The following AFG2A variants were observed in gnomAD, a reference collection of about 807,000 sequenced individuals.
AFG2A encodes the protein ATPase family gene 2 protein homolog A.
the AFG2A span, among the ~76,000 whole-genome samples, chr4:123,098,757 G>A: frequency 4.6e-5 from 7 of 151,750 alleles, no homozygotes; most frequent in South Asian, 2.1e-4. Flanking sequence ...TTCTTTATCC[G>A]CTTATTCTTC....
At chr4:122,983,722 G>C in the AFG2A span, among the ~76,000 whole-genome samples, 10 of 152,118 alleles carry the variant, frequency 6.6e-5, no homozygotes, top group Non-Finnish European at 1.5e-4. Context: ...TGTGGTCTAA[G>C]ATATGATCTA....
chr4:122,972,010 C>G, the AFG2A span, among the ~76,000 whole-genome samples: 1 of 151,926 alleles, frequency 6.6e-6, no homozygotes, highest in African/African-American at 2.4e-5. Flanking sequence ...ATTTGAGGAG[C>G]AAGATTATGC....
At chr4:123,131,919 A>ACAGTTAATAG in the AFG2A span, among the ~76,000 whole-genome samples, 1 of 53,918 alleles carries the variant, frequency 1.9e-5, no homozygotes, top group Admixed American at 2.5e-4. Context: ...CAGCAGCTGC[A>ACAGTTAATAG]CCATTTTATA....
At chr4:122,941,056 T>A in the AFG2A span, among the ~76,000 whole-genome samples, 1 of 150,096 alleles carries the variant, frequency 6.7e-6, no homozygotes, top group East Asian at 1.9e-4. Context: ...TAGTTTGAAG[T>A]CAGGTAGCAT....
chr4:123,039,643 A>C, the AFG2A span, among the ~76,000 whole-genome samples: 1 of 151,770 alleles, frequency 6.6e-6, no homozygotes, highest in Non-Finnish European at 1.5e-5. Flanking sequence ...CTTGCTTTGT[A>C]CTACAATCGT....
chr4:122,998,722 T>C, the AFG2A span, among the ~76,000 whole-genome samples: 1 of 152,330 alleles, frequency 6.6e-6, no homozygotes, highest in South Asian at 2.1e-4. Flanking sequence ...TGTTGGACAT[T>C]TGGGTTGGTT....
the AFG2A span, among the ~76,000 whole-genome samples, chr4:123,287,266 G>T: frequency 6.6e-6 from 1 of 152,042 alleles, no homozygotes; most frequent in Non-Finnish European, 1.5e-5. Flanking sequence ...TTTTTATTTG[G>T]CTACTAGCTA....
At chr4:123,174,936 T>C in the AFG2A span, among the ~76,000 whole-genome samples, 1 of 151,902 alleles carries the variant, frequency 6.6e-6, no homozygotes, top group Non-Finnish European at 1.5e-5. Context: ...GCCCAAGCAA[T>C]CCTCCCACCT....
the AFG2A span, among the ~76,000 whole-genome samples, chr4:123,070,581 G>A: frequency 2.0e-5 from 3 of 152,228 alleles, no homozygotes; most frequent in East Asian, 3.9e-4. Flanking sequence ...CAGTCTGGGG[G>A]CTTTCTTACA....
chr4:123,040,714 A>T, the AFG2A span, among the ~76,000 whole-genome samples: 1 of 152,190 alleles, frequency 6.6e-6, no homozygotes, highest in African/African-American at 2.4e-5. Flanking sequence ...ATTTTGCCTC[A>T]GCATAATTAA....
the AFG2A span, among the ~76,000 whole-genome samples, chr4:123,123,951 CAAAAAAAAA>C: frequency 8.4e-5 from 3 of 35,766 alleles, no homozygotes; most frequent in Admixed American, 8.0e-4. Flanking sequence ...AACTCCGTCT[CAAAAAAAAA>C]AAAAAAAAAA....
At chr4:123,194,556 A>G in the AFG2A span, among the ~76,000 whole-genome samples, 1 of 152,220 alleles carries the variant, frequency 6.6e-6, no homozygotes, top group South Asian at 2.1e-4. Context: ...TCTGTGAGGA[A>G]AAGCAAATCT....
the AFG2A span, among the ~76,000 whole-genome samples, chr4:123,164,508 C>A: frequency 6.6e-6 from 1 of 152,140 alleles, no homozygotes; most frequent in South Asian, 2.1e-4. Context: ...GGATTCCAGG[C>A]ACCTGCCACC....
At chr4:123,056,481 T>A in the AFG2A span, 3 of 1,581,578 alleles carry the variant, frequency 1.9e-6, no homozygotes, top group African/African-American at 4.0e-5. Flanking sequence ...CACAGGAGAA[T>A]CACACTTCTG....
the AFG2A span, among the ~76,000 whole-genome samples, chr4:123,187,893 G>C: frequency 6.6e-6 from 1 of 151,734 alleles, no homozygotes; most frequent in Non-Finnish European, 1.5e-5. Context: ...CTACTCTGCA[G>C]GCTGAGGCAG....
the AFG2A span, among the ~76,000 whole-genome samples, chr4:122,983,179 T>G: frequency 2.0e-5 from 3 of 152,176 alleles, no homozygotes; most frequent in Non-Finnish European, 4.4e-5. Context: ...TTAATCTTCT[T>G]TCTTTTTTTT....
the AFG2A span, among the ~76,000 whole-genome samples, chr4:123,022,984 A>G: frequency 1.4e-5 from 2 of 145,844 alleles, no homozygotes; most frequent in African/African-American, 2.5e-5. Context: ...GAATTGAACA[A>G]TGAGAACACA....
At chr4:123,016,715 G>A in the AFG2A span, among the ~76,000 whole-genome samples, 10 of 151,948 alleles carry the variant, frequency 6.6e-5, no homozygotes, top group African/African-American at 1.4e-4. Context: ...CTTCCCAGAC[G>A]GGGTGGCGGC....
chr4:123,192,023 TTTC>T, the AFG2A span, among the ~76,000 whole-genome samples: 10 of 152,186 alleles, frequency 6.6e-5, no homozygotes, highest in South Asian at 1.7e-3. Context: ...CATATAGTCT[TTTC>T]TTCTTTTTTT....
Sources: gnomAD v4.1 joint callset for allele counts (sites outside exome capture counted in the v4.1 genomes callset) on GRCh38, gnomAD v4.1.1 for gene constraint, MANE v1.5 for transcripts, NCBI Gene and HGNC (gene_info 2026-07-23, HGNC 2026-07-21) for gene names.